Variants in KCNIP1 observed in about 807,000 individuals in gnomAD.
The protein encoded by KCNIP1 is A-type potassium channel modulatory protein KCNIP1.
Under a neutral mutation model 33.0 loss-of-function variants are expected in KCNIP1, and 18 were observed. The observed-to-expected ratio is 0.55, with a 90% CI of 0.38 to 0.81. KCNIP1 has a LOEUF of 0.81. KCNIP1 is among the 30% of genes least tolerant of loss of function. KCNIP1 has a pLI of 0.00. For synonymous variants in KCNIP1, 93 were observed against 98.3 expected, an observed-to-expected ratio of 0.95 and a Z score of 0.32; for missense variants, 238 against 271.6, an observed-to-expected ratio of 0.88 and a Z score of 0.87.
intron 1 of KCNIP1, among the ~76,000 whole-genome samples, chr5:170,606,355 T>A (rs1374026706): frequency 6.6e-6 from 1 of 152,172 alleles, no homozygotes; most frequent in Non-Finnish European, 1.5e-5. Flanking sequence ...CATTGTACGA[T>A]CCCTCAAGCA....
chr5:170,561,772 G>A (rs1006694569), intron 1 of KCNIP1, among the ~76,000 whole-genome samples: 9 of 152,162 alleles, frequency 5.9e-5, no homozygotes, highest in African/African-American at 2.2e-4. Context: ...ACTGCGTGGT[G>A]GGCATTATCC....
chr5:170,703,610 CAA>C (rs5873234), intron 1 of KCNIP1, among the ~76,000 whole-genome samples: 2 of 132,174 alleles, frequency 1.5e-5, no homozygotes, highest in Admixed American at 8.4e-5. Context: ...CCATCTCTAC[CAA>C]AAAAAAATTA....
At chr5:170,588,257 G>A (rs139812321) in intron 1 of KCNIP1, among the ~76,000 whole-genome samples, 1 of 152,244 alleles carries the variant, frequency 6.6e-6, no homozygotes, top group Non-Finnish European at 1.5e-5. Context: ...TCTCAGATGA[G>A]GGACCGAGGC....
At chr5:170,359,256 T>C (rs368030831) in intron 1 of KCNIP1, among the ~76,000 whole-genome samples, 70 of 152,170 alleles carry the variant, frequency 4.6e-4, no homozygotes, top group African/African-American at 1.6e-3. Context: ...GTGTGAGAAG[T>C]GTTCTTGGGT....
intron 1 of KCNIP1, among the ~76,000 whole-genome samples, chr5:170,470,019 A>T (rs889092882): frequency 6.6e-6 from 1 of 152,314 alleles, no homozygotes; most frequent in South Asian, 2.1e-4. Context: ...GGGCAGAGTT[A>T]TCAGCCAGGC....
chr5:170,545,302 T>A (rs1291099108), intron 1 of KCNIP1, among the ~76,000 whole-genome samples: 1 of 152,228 alleles, frequency 6.6e-6, no homozygotes, highest in Non-Finnish European at 1.5e-5. Context: ...TGAGAACTTC[T>A]CTTTACCTTT....
chr5:170,534,628 C>T (rs1439886183), intron 1 of KCNIP1, among the ~76,000 whole-genome samples: 1 of 152,068 alleles, frequency 6.6e-6, no homozygotes, highest in Admixed American at 6.5e-5. Flanking sequence ...AGTGATTCCC[C>T]CCACCTCAAC....
At chr5:170,404,410 G>A (rs1459237029) in intron 1 of KCNIP1, among the ~76,000 whole-genome samples, 4 of 152,068 alleles carry the variant, frequency 2.6e-5, no homozygotes, top group Non-Finnish European at 5.9e-5. Flanking sequence ...GCCTCAAAAT[G>A]TAGTGGCACC....
chr5:170,676,139 A>G (rs969923769), intron 1 of KCNIP1, among the ~76,000 whole-genome samples: 2 of 56,774 alleles, frequency 3.5e-5, no homozygotes, highest in African/African-American at 6.0e-5. Context: ...GAGGCGGGGG[A>G]GGGAGAGAAG....
intron 1 of KCNIP1, among the ~76,000 whole-genome samples, chr5:170,554,591 TGAGCCGCCCTTCCCCAAGTG>T (rs1485292783): frequency 6.6e-6 from 1 of 152,230 alleles, no homozygotes; most frequent in Non-Finnish European, 1.5e-5. Flanking sequence ...GATTTGGGGC[TGAGCCGCCCTTCCCCAAGTG>T]GAGATTCACC....
chr5:170,566,451 C>A (rs1315075690), intron 1 of KCNIP1, among the ~76,000 whole-genome samples: 1 of 152,196 alleles, frequency 6.6e-6, no homozygotes, highest in Non-Finnish European at 1.5e-5. Context: ...GGAAACACTG[C>A]ATTAAACTGA....
intron 1 of KCNIP1, among the ~76,000 whole-genome samples, chr5:170,647,573 TA>T (rs56845440): frequency 3.5e-3 from 499 of 141,468 alleles, no homozygotes; most frequent in African/African-American, 6.7e-3. Flanking sequence ...CCATCCACAT[TA>T]AAAAAAAAAA....
At chr5:170,403,120 T>C (rs1283117590) in intron 1 of KCNIP1, among the ~76,000 whole-genome samples, 1 of 152,104 alleles carries the variant, frequency 6.6e-6, no homozygotes, top group African/African-American at 2.4e-5. Flanking sequence ...CTCCTCCCTC[T>C]CTCATTTGTC....
intron 1 of KCNIP1, among the ~76,000 whole-genome samples, chr5:170,613,404 T>C (rs1382184646): frequency 6.6e-6 from 1 of 152,332 alleles, no homozygotes; most frequent in East Asian, 1.9e-4. Flanking sequence ...GAGGACTTTA[T>C]ATGCACTAAT....
intron 1 of KCNIP1, among the ~76,000 whole-genome samples, chr5:170,580,632 T>C (rs1413712100): frequency 2.0e-5 from 3 of 152,106 alleles, no homozygotes. Context: ...GGACGGATAC[T>C]CAGAACTATA....
At chr5:170,466,045 T>C (rs569832461) in intron 1 of KCNIP1, among the ~76,000 whole-genome samples, 2 of 152,270 alleles carry the variant, frequency 1.3e-5, no homozygotes, top group South Asian at 2.1e-4. Flanking sequence ...AGGGGACTAG[T>C]GCATTTTTCC....
chr5:170,673,264 G>A (rs1193271490), intron 1 of KCNIP1, among the ~76,000 whole-genome samples: 3 of 152,234 alleles, frequency 2.0e-5, no homozygotes, highest in Non-Finnish European at 4.4e-5. Context: ...GACAAACTTT[G>A]GAGTCAGACA....
chr5:170,536,679 G>A (rs914641392), intron 1 of KCNIP1, among the ~76,000 whole-genome samples: 26 of 152,280 alleles, frequency 1.7e-4, no homozygotes, highest in Non-Finnish European at 7.4e-5. Context: ...TAAGGAAAGC[G>A]GAGCTACCCT....
At chr5:170,712,603 T>C (rs1763491225) in intron 1 of KCNIP1, among the ~76,000 whole-genome samples, 1 of 152,242 alleles carries the variant, frequency 6.6e-6, no homozygotes. Flanking sequence ...CATGACTGCA[T>C]GGCTGAGGGC....
Sources: gnomAD v4.1 joint callset for allele counts (sites outside exome capture counted in the v4.1 genomes callset) on GRCh38, gnomAD v4.1.1 for gene constraint, MANE v1.5 for transcripts, NCBI Gene and HGNC (gene_info 2026-07-23, HGNC 2026-07-21) for gene names.